Variants in WNT9B observed in about 807,000 individuals in gnomAD.
The protein encoded by WNT9B is protein Wnt-9b.
A neutral mutation model predicts 30.2 loss-of-function variants in WNT9B; 12 were observed. The observed-to-expected ratio is 0.40, with a 90% confidence interval of 0.26 to 0.64. WNT9B has a LOEUF of 0.64. WNT9B is among the 30% of genes least tolerant of loss of function. WNT9B has a pLI of 0.42. For synonymous variants in WNT9B, 218 were observed against 216.9 expected (o/e 1.01, Z -0.05); for missense variants, 442 against 485.2 (o/e 0.91, Z 0.84).
At chr17:46,862,159 G>A (rs1324339831) in intron 1 of WNT9B, among the ~76,000 whole-genome samples, 7 of 115,448 alleles carry the variant, frequency 6.1e-5, no homozygotes, top group South Asian at 2.6e-4. Context: ...GTGAAACTCC[G>A]TCTCAAAAAA....
At position 46,872,669 on chromosome 17, in the gene WNT9B, C is replaced by A. The variant is rs1266890005; in HGVS notation, c.230C>A (p.Thr77Asn). ...CGGAGGGAGCCCGGCCTGGCTGAGA[C>A]CCTGAGGGATGCTGCGCACCTCGGC... ...LCRREPGLAE[T>N]LRDAAHLGLL... The change falls in exon 2 of 4, where the codon ACC (threonine) becomes AAC (asparagine). Residue 77 changes from threonine to asparagine, a missense_variant. Transcript: ENST00000290015. 2 of 1,613,708 alleles carry A rather than the reference C, an allele frequency of 1.2e-6. No individual in the cohort carries two copies. The highest frequency in any genetic ancestry group is 1.1e-5 in the South Asian group (1 of 91,058).
chr17:46,876,008 G>A (rs2146610605), intron 3 of WNT9B, among the ~76,000 whole-genome samples: 1 of 152,344 alleles, frequency 6.6e-6, no homozygotes, highest in South Asian at 2.1e-4. Flanking sequence ...CTGAGTTGGT[G>A]TGAACCGGGG....
intron 1 of WNT9B, among the ~76,000 whole-genome samples, chr17:46,837,211 G>A (rs1209622879): frequency 6.6e-6 from 1 of 152,168 alleles, no homozygotes; most frequent in African/African-American, 2.4e-5. Flanking sequence ...AAAGTGCTGG[G>A]ATTACAGGCG....
intron 1 of WNT9B, among the ~76,000 whole-genome samples, chr17:46,843,373 C>T (rs12601620): frequency 0.19 from 29,589 of 152,002 alleles, 3,550 homozygotes; most frequent in East Asian, 0.5. Flanking sequence ...GGTTTCCTTT[C>T]AAACGTTTGT....
intron 1 of WNT9B, among the ~76,000 whole-genome samples, chr17:46,844,753 TGGC>T (rs1568115813): frequency 1.3e-5 from 2 of 152,228 alleles, no homozygotes; most frequent in East Asian, 3.8e-4. Context: ...TAGTAAATTA[TGGC>T]ATATTTTTAA....
chr17:46,847,744 T>C (rs1247126008), upstream of WNT9B, among the ~76,000 whole-genome samples: 1 of 151,932 alleles, frequency 6.6e-6, no homozygotes, highest in Non-Finnish European at 1.5e-5. Context: ...TTGAGGGAGA[T>C]TAGAGGAGAG....
Position 46,851,784 on chromosome 17 carries a change from G to A in WNT9B, c.77+69G>A, listed in dbSNP as rs2084851240. The A allele has an allele frequency of 5.8e-6, 5 of 860,294 alleles. No individual in the cohort carries two copies. The South Asian group carries it at 1.3e-4, about 23-fold the overall frequency. 53.3% of individuals were successfully genotyped at this position (860,294 alleles called of 1,614,324 possible). A position where few individuals can be genotyped will look rare whatever the true frequency, so the allele number is the denominator to read the frequency against. ...TCTCTCCCTCCTGCGCTACAGCTGG[G>A]CCAATTTTTCCCTCCCGCTGTCCTT... On this transcript the variant is annotated intron_variant, in intron 1 of 3. Transcript: ENST00000290015. The surrounding 1 kb of genome is among the most constrained non-coding windows in gnomAD (Gnocchi z 4.3).
rs1037809317 is a variant in WNT9B, at chr17:46,876,816, A to C, written c.*98A>C. On this transcript the variant is annotated 3_prime_UTR_variant, in exon 4 of 4. Coordinates refer to ENST00000290015, the MANE Select transcript of WNT9B (RefSeq NM_003396.3). ...CTCTGGGCAGACTGTCATCACATGC[A>C]TGCATAAACCGGCATGTGTGCCAAT... 16 of 1,444,924 alleles carry C rather than the reference A, an allele frequency of 1.1e-5. No individual in the cohort carries two copies. The highest frequency in any genetic ancestry group is 1.5e-5 in the Non-Finnish European group (16 of 1,094,948). The allele number at this position is 1,444,924 out of a possible 1,614,324, so 89.5% of individuals were successfully genotyped here.
intron 1 of WNT9B, among the ~76,000 whole-genome samples, chr17:46,865,964 G>T (rs865840065): frequency 2.6e-5 from 4 of 152,288 alleles, no homozygotes; most frequent in Middle Eastern, 3.4e-3. Flanking sequence ...GTTAATAGAG[G>T]TATAAATGAA....
At chr17:46,847,817 C>T (rs1350550818), upstream of WNT9B, among the ~76,000 whole-genome samples, 1 of 152,162 alleles carries the variant, frequency 6.6e-6, no homozygotes, top group Non-Finnish European at 1.5e-5. Flanking sequence ...CAACCAAAGG[C>T]GGATGGTTCC....
At chr17:46,866,374 G>A (rs983955507) in intron 1 of WNT9B, among the ~76,000 whole-genome samples, 6 of 152,078 alleles carry the variant, frequency 3.9e-5, no homozygotes, top group Admixed American at 3.9e-4. Flanking sequence ...GAGTGTGTAT[G>A]TGCGTGAGAA....
At chr17:46,862,921 C>T (rs565110147) in intron 1 of WNT9B, among the ~76,000 whole-genome samples, 170 of 152,344 alleles carry the variant, frequency 1.1e-3, no homozygotes, top group African/African-American at 3.7e-3. Context: ...AGGCCAGTTG[C>T]TTGGCTGGTC....
In WNT9B at chr17:46,871,553, G is replaced by T. The variant is rs185712639; in HGVS notation, c.78-964G>T. 1.9e-3 allele frequency among the ~76,000 whole-genome samples: 287 copies of T among 152,298 alleles called. 1 individual carries two copies. The highest frequency in any genetic ancestry group is 6.8e-3 in the African/African-American group (281 of 41,564). On this transcript the variant is annotated intron_variant, in intron 1 of 3. Transcript: ENST00000290015. ...AGGGAAGTTTGGGAAGCTCCAGCTA[G>T]CAGGAAGGTAGGCCTGCTTGTCCCA...
intron 1 of WNT9B, among the ~76,000 whole-genome samples, chr17:46,868,447 A>AC (rs923676549): frequency 7.9e-5 from 12 of 151,434 alleles, no homozygotes; most frequent in African/African-American, 2.9e-4. Flanking sequence ...CACAAAAAAA[A>AC]TAGCTGGGCG....
intron 1 of WNT9B, among the ~76,000 whole-genome samples, chr17:46,835,893 G>A (rs1349272260): frequency 6.6e-6 from 1 of 152,242 alleles, no homozygotes; most frequent in Admixed American, 6.5e-5. Flanking sequence ...GAAGAGTGGA[G>A]ACAGGAGACC....
chr17:46,833,480 C>T (rs2084582726), intron 1 of WNT9B: 1 of 480,786 alleles, frequency 2.1e-6, no homozygotes, highest in Non-Finnish European at 4.1e-6. Flanking sequence ...CCCACCCCGA[C>T]TCCCCATCTG....
upstream of WNT9B, among the ~76,000 whole-genome samples, chr17:46,849,486 C>T (rs979737271): frequency 6.6e-6 from 1 of 152,188 alleles, no homozygotes; most frequent in Non-Finnish European, 1.5e-5. Flanking sequence ...TGTCTGCCAC[C>T]CCAGTCCATG....
chr17:46,848,080 T>C (rs944561616), upstream of WNT9B, among the ~76,000 whole-genome samples: 11 of 152,048 alleles, frequency 7.2e-5, no homozygotes, highest in Non-Finnish European at 1.3e-4. Flanking sequence ...GACAGGTAGC[T>C]GCATGTGGAT....
Position 46,868,595 on chromosome 17 carries a change from A to AAAAACAAAAC in WNT9B, c.78-3902_78-3893dup, listed in dbSNP as rs57933868. Among the ~76,000 whole-genome samples the AAAAACAAAAC allele has an allele frequency of 7.0e-3, 1,061 of 152,110 alleles. 12 individuals carry two copies. Among genetic ancestry groups the AAAAACAAAAC allele is most frequent in the African/African-American group, 0.024 (1,005 of 41,384 alleles). On this transcript the variant is annotated intron_variant, in intron 1 of 3. Coordinates refer to ENST00000290015, the MANE Select transcript of WNT9B (RefSeq NM_003396.3). ...TGGGTGATGGAGTGAGACTCGATTAAAAAACAAAACAAAACAAAACAAAAC... is the reference window on the plus strand; with the variant it reads ...TGGGTGATGGAGTGAGACTCGATTAAAAAACAAAACAAAACAAAACAAAACAAAACAAAAC...
Sources: gnomAD v4.1 joint callset for allele counts (sites outside exome capture counted in the v4.1 genomes callset) on GRCh38, gnomAD v4.1.1 for gene constraint, Gnocchi (gnomAD v3.1) non-coding constraint, MANE v1.5 for transcripts, NCBI Gene and HGNC (gene_info 2026-07-23, HGNC 2026-07-21) for gene names.